Variants in GRM5 observed in about 807,000 individuals in gnomAD.
The protein encoded by GRM5 is metabotropic glutamate receptor 5.
Under a neutral mutation model 83.1 loss-of-function variants are expected in GRM5, and 19 were observed. The ratio of observed to expected loss-of-function variants is 0.23; its 90% CI spans 0.16 to 0.34. GRM5 has a LOEUF of 0.34. GRM5 is among the 10% of genes least tolerant of loss of function. The probability of loss-of-function intolerance (pLI) is 1.00; values close to 1 mark genes in which losing one functional copy is unlikely to be tolerated. For synonymous variants in GRM5, 675 were observed against 633.6 expected (o/e 1.07, Z -0.98); for missense variants, 1,160 against 1,588.3 (o/e 0.73, Z 4.58).
At chr11:88,564,808 C>T (rs1014837841) in intron 8 of GRM5, among the ~76,000 whole-genome samples, 4 of 152,152 alleles carry the variant, frequency 2.6e-5, no homozygotes, top group Non-Finnish European at 4.4e-5. Flanking sequence ...AATTGGAAGA[C>T]AGGATGTGCT....
chr11:88,628,479 G>T (rs1938870027), intron 4 of GRM5, among the ~76,000 whole-genome samples: 2 of 152,186 alleles, frequency 1.3e-5, no homozygotes, highest in African/African-American at 4.8e-5. Flanking sequence ...TTTAATATCT[G>T]CTCTGATAGT....
intron 2 of GRM5, among the ~76,000 whole-genome samples, chr11:89,002,706 T>A (rs1000639613): frequency 1.2e-4 from 18 of 152,164 alleles, no homozygotes; most frequent in Non-Finnish European, 2.6e-4. Context: ...GTATTTTCAC[T>A]TGTGTATTTT....
intron 4 of GRM5, among the ~76,000 whole-genome samples, chr11:88,612,099 C>G (rs1304714188): frequency 6.8e-6 from 1 of 147,568 alleles, no homozygotes; most frequent in African/African-American, 2.5e-5. Context: ...GTATATCTCC[C>G]GATGCTATCC....
intron 2 of GRM5, among the ~76,000 whole-genome samples, chr11:88,877,244 AT>A (rs1450845364): frequency 6.6e-6 from 1 of 152,162 alleles, no homozygotes; most frequent in Admixed American, 6.6e-5. Context: ...GGTGAATAAT[AT>A]GCTAATTACC....
At chr11:88,583,152 T>G (rs1943247681) in intron 7 of GRM5, among the ~76,000 whole-genome samples, 1 of 150,854 alleles carries the variant, frequency 6.6e-6, no homozygotes, top group Non-Finnish European at 1.5e-5. Flanking sequence ...TAGGACAAGC[T>G]GAGGAACACA....
At chr11:88,861,547 C>A (rs916136004) in intron 2 of GRM5, among the ~76,000 whole-genome samples, 2 of 152,102 alleles carry the variant, frequency 1.3e-5, no homozygotes, top group African/African-American at 4.8e-5. Flanking sequence ...CTCACTGCAG[C>A]CTCAACTTTC....
At chr11:89,025,664 G>C (rs1941113285) in intron 2 of GRM5, among the ~76,000 whole-genome samples, 2 of 152,138 alleles carry the variant, frequency 1.3e-5, no homozygotes, top group South Asian at 4.1e-4. Context: ...GAGAGGGAAG[G>C]AGGAAAAGAA....
chr11:88,641,165 C>T (rs957980211), intron 4 of GRM5, among the ~76,000 whole-genome samples: 1 of 151,974 alleles, frequency 6.6e-6, no homozygotes, highest in Non-Finnish European at 1.5e-5. Flanking sequence ...CATGCCAGAG[C>T]AGGACCAAGA....
intron 4 of GRM5, among the ~76,000 whole-genome samples, chr11:88,639,161 G>C (rs1031499887): frequency 6.6e-6 from 1 of 151,930 alleles, no homozygotes; most frequent in South Asian, 2.1e-4. Flanking sequence ...TTCTGACTCC[G>C]TTACCATATG....
chr11:88,568,091 G>C, intron 7 of GRM5, 99 bp from the exon 8 acceptor site: 1 of 683,812 alleles, frequency 1.5e-6, no homozygotes, highest in Middle Eastern at 2.5e-4. Context: ...ATTTCAGTTT[G>C]TTCCCCATCT....
intron 1 of GRM5, among the ~76,000 whole-genome samples, chr11:89,062,154 A>G (rs1275459438): frequency 6.6e-6 from 1 of 152,260 alleles, no homozygotes; most frequent in Non-Finnish European, 1.5e-5. Flanking sequence ...ATAAACATGC[A>G]TAAAGGACAG....
chr11:88,706,535 A>G (rs759352477), intron 3 of GRM5, among the ~76,000 whole-genome samples: 18 of 152,098 alleles, frequency 1.2e-4, no homozygotes, highest in Non-Finnish European at 2.2e-4. Context: ...TAATATTGCG[A>G]TACAATTTAT....
intron 2 of GRM5, among the ~76,000 whole-genome samples, chr11:88,899,178 G>C (rs977511395): frequency 2.0e-5 from 3 of 151,636 alleles, no homozygotes; most frequent in African/African-American, 7.3e-5. Context: ...CTTTCTTTCA[G>C]AATATCTGCC....
At chr11:88,582,604 T>C (rs995245606) in intron 7 of GRM5, among the ~76,000 whole-genome samples, 2 of 152,188 alleles carry the variant, frequency 1.3e-5, no homozygotes, top group African/African-American at 4.8e-5. Context: ...TTTATTAAAA[T>C]TGTAATAATA....
At chr11:88,580,310 A>G (rs1165690508) in intron 7 of GRM5, among the ~76,000 whole-genome samples, 1 of 152,208 alleles carries the variant, frequency 6.6e-6, no homozygotes, top group Non-Finnish European at 1.5e-5. Context: ...TATTGTGTAG[A>G]TGATATTTAA....
intron 3 of GRM5, among the ~76,000 whole-genome samples, chr11:88,825,297 T>A (rs1400329813): frequency 6.6e-6 from 1 of 152,122 alleles, no homozygotes; most frequent in Non-Finnish European, 1.5e-5. Flanking sequence ...TGTTGATGTA[T>A]ATTGTTTTTG....
intron 2 of GRM5, among the ~76,000 whole-genome samples, chr11:88,986,375 G>A (rs1011165681): frequency 3.9e-5 from 6 of 152,266 alleles, no homozygotes; most frequent in African/African-American, 1.4e-4. Context: ...GGCTATAAAA[G>A]GATAACATGA....
intron 2 of GRM5, among the ~76,000 whole-genome samples, chr11:88,950,516 AT>A (rs1212482529): frequency 6.6e-6 from 1 of 152,100 alleles, no homozygotes; most frequent in Non-Finnish European, 1.5e-5. Context: ...AATGATAAGA[AT>A]AAAAAAAAAC....
At chr11:88,819,934 A>T (rs1943757443) in intron 3 of GRM5, among the ~76,000 whole-genome samples, 1 of 152,064 alleles carries the variant, frequency 6.6e-6, no homozygotes, top group African/African-American at 2.4e-5. Context: ...TCCTGCCATA[A>T]GTAACCCATT....
Sources: allele counts gnomAD v4.1 joint callset (sites outside exome capture counted in the v4.1 genomes callset), GRCh38; gene constraint gnomAD v4.1.1; transcripts MANE v1.5; gene names NCBI Gene and HGNC (gene_info 2026-07-23, HGNC 2026-07-21).